The following MED12L variants were observed in gnomAD, a reference collection of about 807,000 sequenced individuals.
The protein encoded by MED12L is mediator complex subunit 12L, also known as mediator of RNA polymerase II transcription subunit 12-like protein.
MED12L carries 60 observed loss-of-function variants against 281.3 expected under a neutral mutation model. The observed-to-expected ratio is 0.21, with a 90% CI of 0.17 to 0.26. The LOEUF (loss-of-function observed/expected upper bound fraction) is 0.26, where lower values mean the gene tolerates loss of function less well. Among genes scored for constraint, MED12L ranks in the 10% least tolerant of loss-of-function variants. The pLI is 1.00. For missense variants in MED12L, 2,146 were observed against 2,680.9 expected (o/e 0.80, Z 4.41); for synonymous variants, 974 against 987.2 (o/e 0.99, Z 0.25).
intron 16 of MED12L, among the ~76,000 whole-genome samples, chr3:151,255,976 C>G (rs1470489993): frequency 6.6e-6 from 1 of 152,136 alleles, no homozygotes; most frequent in East Asian, 1.9e-4. Context: ...ATGCCTAGCT[C>G]TAAGGTCAGT....
intron 42 of MED12L, among the ~76,000 whole-genome samples, chr3:151,414,204 A>G: frequency 6.6e-6 from 1 of 152,120 alleles, no homozygotes. Flanking sequence ...ATAGGCCATT[A>G]TGTTTACCTG....
chr3:151,404,471 C>G (rs1191937812), intron 39 of MED12L, among the ~76,000 whole-genome samples: 1 of 152,202 alleles, frequency 6.6e-6, no homozygotes, highest in Non-Finnish European at 1.5e-5. Flanking sequence ...AGAATTTCCT[C>G]TCTCTGTTGT....
chr3:151,434,425 G>C lies in MED12L; in HGVS notation c.*1621G>C, dbSNP rs1193504113. The C allele has an allele frequency of 6.6e-6, 1 of 152,150 alleles. No individual in the cohort carries two copies. Among genetic ancestry groups the C allele is most frequent in the Non-Finnish European group, 1.5e-5 (1 of 68,020 alleles). The allele number at this position is 152,150 out of a possible 1,614,324, so 9.4% of individuals were successfully genotyped here. A position where few individuals can be genotyped will look rare whatever the true frequency, so the allele number is the denominator to read the frequency against. The stretch of plus-strand genomic sequence containing the variant: ...TACACTGTGAAAATATTTCACTCCA[G>C]CCTGCCCATTTTGTGTTTACTCTGG... On this transcript the variant is annotated 3_prime_UTR_variant, in exon 45 of 45. Coordinates refer to ENST00000687756, the MANE Select transcript of MED12L (RefSeq NM_001393769.1).
At chr3:151,381,353 CAT>C (rs1712305522) in intron 32 of MED12L, among the ~76,000 whole-genome samples, 1 of 152,192 alleles carries the variant, frequency 6.6e-6, no homozygotes, top group African/African-American at 2.4e-5. Context: ...ATGGAAGTCA[CAT>C]ATTACCTCAG....
intron 16 of MED12L, among the ~76,000 whole-genome samples, chr3:151,249,607 T>C (rs966153932): frequency 6.6e-6 from 1 of 152,158 alleles, no homozygotes; most frequent in African/African-American, 2.4e-5. Context: ...ATGGACTTGA[T>C]GCATGCCAGT....
chr3:151,215,820 C>T lies in MED12L; in HGVS notation c.2250+22154C>T, dbSNP rs370875299. ...TTGTTCTGCCTCCTGCTTCCTCCAC[C>T]CCCAGCACTGAGTTCCTGCTGTCCT... On this transcript the variant is annotated intron_variant, in intron 16 of 44. Transcript: ENST00000687756. Among the ~76,000 whole-genome samples, 231 of 152,294 alleles carry T rather than the reference C, an allele frequency of 1.5e-3. 5 individuals carry two copies. In the South Asian group the frequency reaches 0.043, roughly 28 times the overall value.
chr3:151,400,546 G>C (rs941667419), intron 39 of MED12L, among the ~76,000 whole-genome samples: 1 of 152,146 alleles, frequency 6.6e-6, no homozygotes. Flanking sequence ...GTTATCCACC[G>C]TGGAGCAGGT....
At chr3:151,175,515 A>T (rs910351391) in intron 11 of MED12L, among the ~76,000 whole-genome samples, 1 of 152,166 alleles carries the variant, frequency 6.6e-6, no homozygotes. Flanking sequence ...TATATAACCT[A>T]GGTAATATAT....
chr3:151,303,420 A>C (rs1746212414), intron 16 of MED12L, among the ~76,000 whole-genome samples: 1 of 152,054 alleles, frequency 6.6e-6, no homozygotes, highest in South Asian at 2.1e-4. Flanking sequence ...GCCAATAGAA[A>C]ATAGGTGATA....
At chr3:151,361,013 T>C (rs1271334269) in intron 21 of MED12L, among the ~76,000 whole-genome samples, 1 of 152,104 alleles carries the variant, frequency 6.6e-6, no homozygotes, top group Admixed American at 6.6e-5. Context: ...ATTATAAATC[T>C]AATAGAAAGA....
intron 25 of MED12L, among the ~76,000 whole-genome samples, chr3:151,368,473 G>A (rs1377604519): frequency 6.6e-6 from 1 of 152,070 alleles, no homozygotes; most frequent in Non-Finnish European, 1.5e-5. Flanking sequence ...GAGTTAGTAA[G>A]CAATAAAAAT....
At chr3:151,163,635 T>G (rs1177077506) in intron 8 of MED12L, among the ~76,000 whole-genome samples, 1 of 152,212 alleles carries the variant, frequency 6.6e-6, no homozygotes, top group Non-Finnish European at 1.5e-5. Context: ...TTAAGTTCCT[T>G]CAGGTTCCTG....
chr3:151,355,413 G>T (rs757135050), intron 18 of MED12L, among the ~76,000 whole-genome samples, 174 bp downstream of exon 18: 1 of 152,090 alleles, frequency 6.6e-6, no homozygotes, highest in African/African-American at 2.4e-5. Flanking sequence ...TGCCTTCCTC[G>T]AAGGATTAAT....
At chr3:151,393,920 CA>C (rs61441056) in intron 38 of MED12L, among the ~76,000 whole-genome samples, 7,521 of 152,060 alleles carry the variant, frequency 0.049, 627 homozygotes, top group African/African-American at 0.17. Flanking sequence ...TTACATGTAT[CA>C]AGGACTATTT....
chr3:151,105,979 C>G (rs911848184), intron 2 of MED12L, among the ~76,000 whole-genome samples: 20 of 152,166 alleles, frequency 1.3e-4, no homozygotes, highest in African/African-American at 4.6e-4. Flanking sequence ...AAGAAATCAA[C>G]GTAAATCCTG....
At chr3:151,347,970 C>T (rs936925316) in intron 16 of MED12L, among the ~76,000 whole-genome samples, 14 of 152,108 alleles carry the variant, frequency 9.2e-5, no homozygotes, top group East Asian at 3.9e-4. Flanking sequence ...TGATCCTGTG[C>T]GATGTGAGGA....
chr3:151,195,718 C>T (rs576789537), intron 16 of MED12L, among the ~76,000 whole-genome samples: 6 of 152,226 alleles, frequency 3.9e-5, no homozygotes, highest in East Asian at 1.9e-4. Flanking sequence ...ACAATATTAA[C>T]GTCCGGAGTT....
In MED12L at chr3:151,365,121, A is replaced by G. The variant is rs1341227377; in HGVS notation, c.3100A>G (p.Ile1034Val). 1 of 1,614,066 alleles carries G rather than the reference A, an allele frequency of 6.2e-7. No individual in the cohort carries two copies. Among genetic ancestry groups the G allele is most frequent in the Non-Finnish European group, 8.5e-7 (1 of 1,179,958 alleles). Residue 1034 changes from isoleucine to valine, a missense_variant, in exon 22 of 45, where the codon ATC (isoleucine) becomes GTC (valine). This residue lies in a region of MED12L where 404 missense variants were observed against 603.5 expected (regional missense o/e 0.67). Transcript: ENST00000687756. ...CATCAACTACTCAATGCTGGGCAAGATCCTCAGTGACAATGCGGCCAATCG... is the reference window on the plus strand; with the variant it reads ...CATCAACTACTCAATGCTGGGCAAGGTCCTCAGTGACAATGCGGCCAATCG... ...RSINYSMLGK[I>V]LSDNAANRYS... is the part of the protein sequence containing the mutation.
chr3:151,189,738 T>C (rs891141869), intron 13 of MED12L, among the ~76,000 whole-genome samples: 1 of 152,218 alleles, frequency 6.6e-6, no homozygotes, highest in African/African-American at 2.4e-5. Flanking sequence ...AATGTGATGG[T>C]ACCAAGGATT....
Sources: allele counts gnomAD v4.1 joint callset (sites outside exome capture counted in the v4.1 genomes callset), GRCh38; gene constraint gnomAD v4.1.1; regional missense constraint gnomAD v4.1.1; transcripts MANE v1.5; gene names NCBI Gene and HGNC (gene_info 2026-07-23, HGNC 2026-07-21).